The following TRMT44 variants were observed in gnomAD, a reference collection of about 807,000 sequenced individuals.
TRMT44 encodes the protein tRNA methyltransferase 44 homolog.
In TRMT44, 78 loss-of-function variants were observed where a neutral mutation model predicts 77.3. The observed-to-expected ratio is 1.01, with a 90% confidence interval of 0.84 to 1.22. The LOEUF (loss-of-function observed/expected upper bound fraction) is 1.22, where lower values mean the gene tolerates loss of function less well. TRMT44 is among the 50% of genes most tolerant of loss of function. The pLI is 0.00. For missense variants in TRMT44, 1,090 were observed against 964.4 expected (o/e 1.13, Z -1.73); for synonymous variants, 391 against 383.3 (o/e 1.02, Z -0.23).
At chr4:8,505,716 T>G in the TRMT44 span, among the ~76,000 whole-genome samples, 2 of 152,238 alleles carry the variant, frequency 1.3e-5, no homozygotes, top group African/African-American at 4.8e-5. Context: ...GGTTGGGCTC[T>G]GTGTCCCCAC....
chr4:8,458,297 C>T (rs967889533), intron 6 of TRMT44, among the ~76,000 whole-genome samples: 1 of 152,172 alleles, frequency 6.6e-6, no homozygotes, highest in African/African-American at 2.4e-5. Flanking sequence ...CCTTCCACCT[C>T]CTCCATGTCT....
At chr4:8,474,493 T>G (rs1175033523) in intron 10 of TRMT44, among the ~76,000 whole-genome samples, 1 of 152,236 alleles carries the variant, frequency 6.6e-6, no homozygotes, top group East Asian at 1.9e-4. Context: ...AGCCCCCAAC[T>G]GTGGCGCCGT....
chr4:8,468,482 A>T, intron 9 of TRMT44, 136 bp downstream of exon 9: 1 of 851,034 alleles, frequency 1.2e-6, no homozygotes, highest in Non-Finnish European at 1.9e-6. Context: ...TGGTGGGTGC[A>T]TAGGCTCTCT....
At chr4:8,467,587 C>G (rs1453249352) in intron 8 of TRMT44, among the ~76,000 whole-genome samples, 1 of 152,158 alleles carries the variant, frequency 6.6e-6, no homozygotes, top group Non-Finnish European at 1.5e-5. Context: ...TTCAAATGAT[C>G]CTCCTGCCTC....
chr4:8,500,103 G>T, the TRMT44 span, among the ~76,000 whole-genome samples: 1 of 152,032 alleles, frequency 6.6e-6, no homozygotes, highest in Non-Finnish European at 1.5e-5. Context: ...GGTGGCATGT[G>T]CCTGTAGTCC....
the TRMT44 span, among the ~76,000 whole-genome samples, chr4:8,501,658 G>C: frequency 1.3e-5 from 2 of 152,132 alleles, no homozygotes; most frequent in African/African-American, 4.8e-5. The surrounding 1 kb of genome is among the most constrained non-coding windows in gnomAD (Gnocchi z 4.4). Flanking sequence ...AGATGTTTTT[G>C]GACTCTTCCT....
intron 9 of TRMT44, among the ~76,000 whole-genome samples, chr4:8,470,469 T>G (rs1195605182): frequency 4.5e-4 from 68 of 152,214 alleles, no homozygotes; most frequent in East Asian, 9.6e-4. Flanking sequence ...CATATCCAAT[T>G]TGATGTTTTG....
At chr4:8,463,870 A>G (rs1726337168) in intron 6 of TRMT44, 115 bp from the exon 7 acceptor site, 6 of 795,072 alleles carry the variant, frequency 7.5e-6, no homozygotes, top group Non-Finnish European at 1.0e-5. Context: ...CAGCAGGTGA[A>G]CTGCGGCTCT....
rs761705194 is a variant in TRMT44, at chr4:8,465,364, G to A, written c.1311-14G>A. ...CAGGATGCTTGACCCTGTGGTTGTT[G>A]GTTCTTTTTGAAGGTCTTCCTACAA... On this transcript the variant is annotated splice_polypyrimidine_tract_variant and intron_variant, in intron 7 of 10. Transcript: ENST00000389737. 6.2e-7 allele frequency: 1 copy of A among 1,601,034 alleles called. No individual in the cohort carries two copies. Among genetic ancestry groups the A allele is most frequent in the Non-Finnish European group, 8.5e-7 (1 of 1,173,658 alleles).
chr4:8,474,995 T>G (rs549549568), intron 10 of TRMT44, among the ~76,000 whole-genome samples: 32 of 152,320 alleles, frequency 2.1e-4, no homozygotes, highest in Non-Finnish European at 3.7e-4. Context: ...CCAGTGGCAC[T>G]TTCAGAGGGG....
chr4:8,465,908 G>A (rs1301748459), intron 8 of TRMT44, among the ~76,000 whole-genome samples: 6 of 152,194 alleles, frequency 3.9e-5, no homozygotes, highest in Non-Finnish European at 7.3e-5. Flanking sequence ...CCTTCAAGTC[G>A]CAGATAATTG....
intron 6 of TRMT44, among the ~76,000 whole-genome samples, chr4:8,456,429 T>G (rs1725813552): frequency 1.3e-5 from 2 of 152,124 alleles, no homozygotes; most frequent in Non-Finnish European, 2.9e-5. Context: ...CAGAGAAAAG[T>G]TACGGCATTA....
chr4:8,460,185 G>C (rs1355490667), intron 6 of TRMT44, among the ~76,000 whole-genome samples: 1 of 152,210 alleles, frequency 6.6e-6, no homozygotes, highest in Non-Finnish European at 1.5e-5. Context: ...GCCGTCCTAG[G>C]ACAGGTTATA....
chr4:8,497,632 G>A (rs2109245363), downstream of TRMT44, among the ~76,000 whole-genome samples: 1 of 152,204 alleles, frequency 6.6e-6, no homozygotes, highest in African/African-American at 2.4e-5. Context: ...GCGACACAGT[G>A]AGACTCCATC....
At position 8,446,412 on chromosome 4, in the gene TRMT44, A is replaced by G. The variant is rs1725061456; in HGVS notation, c.620-64A>G. 1.9e-6 allele frequency: 2 copies of G among 1,054,156 alleles called. No individual in the cohort carries two copies. The highest frequency in any genetic ancestry group is 2.8e-6 in the Non-Finnish European group (2 of 714,438). 65.3% of individuals were successfully genotyped at this position (1,054,156 alleles called of 1,614,324 possible). ...TGCTTGACTCATCCCTATTTTTAAT[A>G]CTGCTTCTGATGAGACGGTAGCTAG... On this transcript the variant is annotated intron_variant, in intron 1 of 10. Coordinates refer to ENST00000389737, the MANE Select transcript of TRMT44 (RefSeq NM_152544.3). This position sits in a 1 kb window ranked among gnomAD's most constrained non-coding sequence, Gnocchi z 4.3.
the TRMT44 span, chr4:8,511,711 C>G: frequency 6.6e-6 from 1 of 150,694 alleles, no homozygotes; most frequent in Non-Finnish European, 1.5e-5. Flanking sequence ...TCCATTCAGC[C>G]CAATGCATTT....
chr4:8,503,329 G>A, the TRMT44 span, among the ~76,000 whole-genome samples: 3 of 152,212 alleles, frequency 2.0e-5, no homozygotes, highest in Non-Finnish European at 4.4e-5. Context: ...CAGACCCTAG[G>A]CCGTGGCTGC....
the TRMT44 span, among the ~76,000 whole-genome samples, chr4:8,506,228 C>G: frequency 6.6e-6 from 1 of 152,202 alleles, no homozygotes; most frequent in African/African-American, 2.4e-5. Context: ...TCCTTGAGAC[C>G]AGGGCACGTG....
At chr4:8,501,980 T>G in the TRMT44 span, among the ~76,000 whole-genome samples, 1 of 152,222 alleles carries the variant, frequency 6.6e-6, no homozygotes, top group African/African-American at 2.4e-5. This position sits in a 1 kb window ranked among gnomAD's most constrained non-coding sequence, Gnocchi z 4.4. Context: ...CCTGGGGAAG[T>G]AACTCCTCTC....
Sources: allele counts gnomAD v4.1 joint callset (sites outside exome capture counted in the v4.1 genomes callset), GRCh38; gene constraint gnomAD v4.1.1; non-coding constraint Gnocchi (gnomAD v3.1); transcripts MANE v1.5; gene names NCBI Gene and HGNC (gene_info 2026-07-23, HGNC 2026-07-21).